The following RAD52 variants were observed in gnomAD, a reference collection of about 807,000 sequenced individuals.
The protein encoded by RAD52 is DNA repair protein RAD52 homolog.
In RAD52, 47 loss-of-function variants were observed where a neutral mutation model predicts 55.5. The ratio of observed to expected loss-of-function variants is 0.85; its 90% CI spans 0.67 to 1.08. The LOEUF is 1.08. Among genes scored for constraint, RAD52 ranks in the 50% least tolerant of loss-of-function variants. RAD52 has a pLI of 0.00. For synonymous variants in RAD52, 184 were observed against 198.9 expected, an observed-to-expected ratio of 0.92 and a Z score of 0.63; for missense variants, 468 against 522.8, an observed-to-expected ratio of 0.90 and a Z score of 1.02.
chr12:912,977 AAAG>A lies in RAD52; in HGVS notation c.*411_*413del. ...ACATTAAAGGCATGGACCGTAAAGG[AAAG>A]AAGGCAGACGTTATGCAAAACAACT... On this transcript the variant is annotated 3_prime_UTR_variant, in exon 12 of 12. Transcript: ENST00000358495. 1 of 196,466 alleles carries A rather than the reference AAAG, an allele frequency of 5.1e-6. No homozygotes were observed. The highest frequency in any genetic ancestry group is 1.0e-5 in the Non-Finnish European group (1 of 99,580). The allele number at this position is 196,466 out of a possible 1,614,324, so 12.2% of individuals were successfully genotyped here.
intron 1 of RAD52, among the ~76,000 whole-genome samples, chr12:938,886 C>G (rs1040619520): frequency 6.6e-6 from 1 of 151,832 alleles, no homozygotes; most frequent in African/African-American, 2.4e-5. Flanking sequence ...CTCAGCCTCC[C>G]GAGTAGCTTA....
intron 9 of RAD52, 101 bp from the exon 10 acceptor site, chr12:914,633 C>A (rs373013508): frequency 7.2e-7 from 1 of 1,397,348 alleles, no homozygotes; most frequent in South Asian, 1.3e-5. Context: ...GAACACTCTC[C>A]GAAGCACAAC....
upstream of RAD52, chr12:990,149 G>T (rs1046876823): frequency 6.6e-6 from 1 of 152,168 alleles, no homozygotes; most frequent in Admixed American, 6.5e-5. Context: ...GGATTATGAG[G>T]CAGTATAAAG....
At position 912,145 on chromosome 12, in the gene RAD52, G is replaced by A. The variant is rs1956124769; in HGVS notation, c.*1246C>T. On this transcript the variant is annotated 3_prime_UTR_variant, in exon 12 of 12. Transcript: ENST00000358495. ...GGTTACATCTCACACCTGAAATGGGGAAGTAGAAACAGTTGCGTTTGAGCA... is the reference window on the plus strand; with the variant it reads ...GGTTACATCTCACACCTGAAATGGGAAAGTAGAAACAGTTGCGTTTGAGCA... The A allele has an allele frequency of 5.0e-6, 1 of 198,608 alleles. No individual in the cohort carries two copies. Among genetic ancestry groups the A allele is most frequent in the Admixed American group, 6.0e-5 (1 of 16,572 alleles). The allele number at this position is 198,608 out of a possible 1,614,324, so 12.3% of individuals were successfully genotyped here. A position where few individuals can be genotyped will look rare whatever the true frequency, so the allele number is the denominator to read the frequency against.
chr12:926,802 G>A (rs146169766), intron 6 of RAD52: 27 of 1,536,596 alleles, frequency 1.8e-5, no homozygotes, highest in East Asian at 9.8e-5. Flanking sequence ...CTACCTGTGC[G>A]TAGCGGAGGA....
intron 1 of RAD52, among the ~76,000 whole-genome samples, chr12:935,465 T>C (rs1024815500): frequency 6.6e-6 from 1 of 151,056 alleles, no homozygotes; most frequent in East Asian, 2.0e-4. Flanking sequence ...ACTGCAACCT[T>C]CACCTCCTGG....
At chr12:958,846 G>A (rs2154120525) in intron 1 of RAD52, among the ~76,000 whole-genome samples, 1 of 152,166 alleles carries the variant, frequency 6.6e-6, no homozygotes, top group Admixed American at 6.6e-5. Flanking sequence ...GGAGGTTGGG[G>A]GCATTTTCCT....
At chr12:942,549 C>A (rs989189964) in intron 1 of RAD52, among the ~76,000 whole-genome samples, 4 of 152,084 alleles carry the variant, frequency 2.6e-5, no homozygotes, top group Non-Finnish European at 5.9e-5. Flanking sequence ...GAGTTCAAGA[C>A]CAACCTGGCC....
In RAD52 at chr12:912,375, A is replaced by AAATT. The variant is rs1555167175; in HGVS notation, c.*1012_*1015dup. The AAATT allele has an allele frequency of 4.9e-6, 1 of 203,150 alleles. No homozygotes were observed. The highest frequency in any genetic ancestry group is 2.3e-5 in the African/African-American group (1 of 43,632). The allele number at this position is 203,150 out of a possible 1,614,324, so 12.6% of individuals were successfully genotyped here. ...ATACAAAAACTCTGTTTCATGCACA[A>AAATT]AATTATGTGTATGAGGCATATACAC... On this transcript the variant is annotated 3_prime_UTR_variant, in exon 12 of 12. Transcript: ENST00000358495.
chr12:955,001 C>T (rs1958585140), intron 1 of RAD52, among the ~76,000 whole-genome samples: 1 of 152,086 alleles, frequency 6.6e-6, no homozygotes, highest in Admixed American at 6.6e-5. Flanking sequence ...TATTATGGCC[C>T]AATTAGCAAG....
chr12:928,211 T>A (rs529391340), intron 5 of RAD52, among the ~76,000 whole-genome samples: 1 of 152,274 alleles, frequency 6.6e-6, no homozygotes, highest in Admixed American at 6.5e-5. Context: ...TGCTGAATTG[T>A]TCATTCAAGA....
chr12:988,128 A>G (rs1423549995), intron 1 of RAD52, among the ~76,000 whole-genome samples: 1 of 151,978 alleles, frequency 6.6e-6, no homozygotes, highest in Non-Finnish European at 1.5e-5. Flanking sequence ...GCGCATCACC[A>G]TACCTGGCTA....
intron 1 of RAD52, among the ~76,000 whole-genome samples, chr12:979,576 T>G (rs1340921154): frequency 1.3e-5 from 2 of 152,138 alleles, no homozygotes; most frequent in African/African-American, 2.4e-5. Context: ...TGTGTGTGTG[T>G]GCATACACAG....
rs148396460 is a variant in RAD52, at chr12:914,512, C to T, written c.886G>A (p.Val296Met). Residue 296 changes from valine to methionine, a missense_variant, in exon 10 of 12, where the codon GTG becomes ATG. Val to Met is a conservative substitution (Grantham distance 21, BLOSUM62 1). Transcript: ENST00000358495. ...ACAGTTACAGGAGTGCTGTGCGTCA[C>T]AGGAGGGGCCGGAGGCGCTGCTACG... ...KSEAAPPAPP[V>M]THSTPVTVSE... 16 of 1,613,736 alleles carry T rather than the reference C, an allele frequency of 9.9e-6. No homozygotes were observed. The African/African-American group carries it at 1.9e-4, about 19-fold the overall frequency.
At chr12:962,093 C>G (rs1958694136) in intron 1 of RAD52, among the ~76,000 whole-genome samples, 1 of 152,110 alleles carries the variant, frequency 6.6e-6, no homozygotes, top group African/African-American at 2.4e-5. Context: ...TTAGTTATGG[C>G]AGCCCTAGCA....
chr12:943,817 C>A (rs113518890), intron 1 of RAD52, among the ~76,000 whole-genome samples: 8 of 151,250 alleles, frequency 5.3e-5, no homozygotes, highest in African/African-American at 1.2e-4. Flanking sequence ...TTAAGTGACT[C>A]TGGCATCCTG....
At chr12:947,938 A>G (rs1034743174) in intron 1 of RAD52, among the ~76,000 whole-genome samples, 3 of 112,508 alleles carry the variant, frequency 2.7e-5, no homozygotes, top group African/African-American at 1.0e-4. Context: ...ACCAGACCTG[A>G]GGCCACTGAA....
At chr12:956,704 A>C (rs1393637421) in intron 1 of RAD52, among the ~76,000 whole-genome samples, 1 of 151,824 alleles carries the variant, frequency 6.6e-6, no homozygotes, top group Non-Finnish European at 1.5e-5. Context: ...CCGCCACCAC[A>C]CCTGGCTAAT....
At chr12:981,678 G>T (rs927058609) in intron 1 of RAD52, among the ~76,000 whole-genome samples, 2 of 151,742 alleles carry the variant, frequency 1.3e-5, no homozygotes, top group South Asian at 2.1e-4. Context: ...AATCGCTCGA[G>T]CCCAGGAGGT....
Sources: allele counts gnomAD v4.1 joint callset (sites outside exome capture counted in the v4.1 genomes callset), GRCh38; gene constraint gnomAD v4.1.1; transcripts MANE v1.5; gene names NCBI Gene and HGNC (gene_info 2026-07-23, HGNC 2026-07-21).